Variants in CSTL1 observed in about 807,000 individuals in gnomAD.
The protein encoded by CSTL1 is cystatin like 1, also known as cystatin-like 1.
A neutral mutation model predicts 14.4 loss-of-function variants in CSTL1; 14 were observed. The ratio of observed to expected loss-of-function variants is 0.97; its 90% CI spans 0.64 to 1.52. The LOEUF is 1.52. Among genes scored for constraint, CSTL1 ranks in the 40% most tolerant of loss-of-function variants. The pLI, the probability that CSTL1 is intolerant of heterozygous loss-of-function variation, is 0.00. For missense variants in CSTL1, 170 were observed against 168.7 expected, an observed-to-expected ratio of 1.01 and a Z score of -0.04; for synonymous variants, 72 against 67.5, an observed-to-expected ratio of 1.07 and a Z score of -0.33.
downstream of CSTL1, among the ~76,000 whole-genome samples, chr20:23,446,547 C>T (rs1183775248): frequency 1.3e-5 from 2 of 152,076 alleles, no homozygotes; most frequent in Non-Finnish European, 2.9e-5. Flanking sequence ...TGAGCCACTG[C>T]GCCCAGCCTG....
chr20:23,459,912 C>G, the CSTL1 span, among the ~76,000 whole-genome samples: 2 of 152,216 alleles, frequency 1.3e-5, no homozygotes, highest in Admixed American at 1.3e-4. Context: ...CTGGCCTCTC[C>G]CTGCACAATA....
chr20:23,454,368 C>T, the CSTL1 span, among the ~76,000 whole-genome samples: 1 of 151,522 alleles, frequency 6.6e-6, no homozygotes, highest in Non-Finnish European at 1.5e-5. Flanking sequence ...CACACCCACA[C>T]TCACACTGAA....
the CSTL1 span, chr20:23,452,036 G>A: frequency 9.1e-6 from 6 of 662,914 alleles, no homozygotes; most frequent in African/African-American, 1.1e-4. Context: ...GTCCTAGGCG[G>A]ATTAGCGGGC....
the CSTL1 span, chr20:23,450,310 C>T: frequency 2.2e-6 from 1 of 445,116 alleles, no homozygotes; most frequent in Non-Finnish European, 4.0e-6. Context: ...CATTTGGACC[C>T]CCAAACTGCC....
At chr20:23,457,532 A>G in the CSTL1 span, 1 of 152,064 alleles carries the variant, frequency 6.6e-6, no homozygotes, top group Admixed American at 6.6e-5. Flanking sequence ...GGCATGGGAT[A>G]ATATGTATGT....
intron 2 of CSTL1, 75 bp downstream of exon 2, chr20:23,440,561 G>T: frequency 1.8e-6 from 2 of 1,133,754 alleles, no homozygotes; most frequent in Admixed American, 1.7e-5. Context: ...TTCTGGGGTA[G>T]CTCCCAAGAG....
the CSTL1 span, among the ~76,000 whole-genome samples, chr20:23,453,312 G>A: frequency 2.0e-5 from 3 of 152,240 alleles, no homozygotes; most frequent in South Asian, 2.1e-4. Context: ...CTCCCTTAGA[G>A]GACAAAGGAG....
At chr20:23,446,935 T>A (rs2123319673), downstream of CSTL1, among the ~76,000 whole-genome samples, 1 of 151,522 alleles carries the variant, frequency 6.6e-6, no homozygotes, top group Non-Finnish European at 1.5e-5. Flanking sequence ...TTAAAGGAGG[T>A]GGAATTCCTG....
At chr20:23,446,401 G>A (rs561832189), downstream of CSTL1, among the ~76,000 whole-genome samples, 3 of 152,184 alleles carry the variant, frequency 2.0e-5, no homozygotes, top group South Asian at 4.1e-4. Flanking sequence ...GACTACAGGC[G>A]TGCACTGCCA....
At chr20:23,451,984 G>C in the CSTL1 span, 1 of 1,280,374 alleles carries the variant, frequency 7.8e-7, no homozygotes, top group Non-Finnish European at 1.1e-6. Context: ...CGGTTTCTGT[G>C]CCTGGGGGCT....
chr20:23,440,756 C>CTT (rs11346588), intron 2 of CSTL1: 576 of 360,402 alleles, frequency 1.6e-3, no homozygotes, highest in South Asian at 2.1e-3. Context: ...GGATTAAACT[C>CTT]TTTTTTTTTT....
chr20:23,447,034 T>C (rs370116452), downstream of CSTL1, among the ~76,000 whole-genome samples: 41 of 152,314 alleles, frequency 2.7e-4, no homozygotes, highest in East Asian at 2.3e-3. Context: ...TCTAAGCTAA[T>C]TGAGGGCTGA....
chr20:23,448,822 T>C (rs6137951), downstream of CSTL1, among the ~76,000 whole-genome samples: 12,117 of 152,304 alleles, frequency 0.08, 682 homozygotes, highest in East Asian at 0.29. Context: ...TAATGGTTAA[T>C]ATTTATTTGA....
chr20:23,454,050 AACAC>A, the CSTL1 span, among the ~76,000 whole-genome samples: 2 of 151,720 alleles, frequency 1.3e-5, no homozygotes, highest in Non-Finnish European at 2.9e-5. Context: ...ACAGATGCAC[AACAC>A]ACACACATAC....
chr20:23,446,959 A>G (rs1376469891), downstream of CSTL1, among the ~76,000 whole-genome samples: 1 of 152,174 alleles, frequency 6.6e-6, no homozygotes, highest in Admixed American at 6.5e-5. Context: ...AAAAAACCCC[A>G]CAAAAACAAC....
chr20:23,457,627 A>G, the CSTL1 span: 2 of 152,130 alleles, frequency 1.3e-5, no homozygotes, highest in South Asian at 4.1e-4. Flanking sequence ...GAAAGAACAA[A>G]GGAATCTGTA....
chr20:23,444,023 G>C lies in CSTL1; in HGVS notation c.309G>C (p.Leu103=), dbSNP rs12625959. Residue 103 remains leucine, a synonymous_variant, in exon 3 of 4, where the codon CTG becomes CTC. Coordinates refer to ENST00000347397, the MANE Select transcript of CSTL1 (RefSeq NM_138283.1). ...RNDTSNSSCP[L]QSKKLRKSLI... is the part of the protein sequence containing the mutation. ...ACACGAGCAATTCTTCCTGCCCCCT[G>C]CAAAGCAAGAAGCTGAGAAAGGTGT... 0.065 allele frequency: 104,900 copies of C among 1,613,328 alleles called. 8,561 individuals are homozygous for C. Among genetic ancestry groups the C allele is most frequent in the African/African-American group, 0.41 (30,977 of 74,934 alleles).
In CSTL1 at chr20:23,440,438, C is replaced by T. The variant is rs372937280; in HGVS notation, c.171C>T (p.Asn57=). The T allele has an allele frequency of 3.8e-5, 61 of 1,614,010 alleles. No homozygotes were observed. The highest frequency in any genetic ancestry group is 4.5e-5 in the East Asian group (2 of 44,896). ...TTCAATCCTACAACAATGCCAGCAACGACACCTACTTATATCGAGTCCAGA... is the reference window on the plus strand; with the variant it reads ...TTCAATCCTACAACAATGCCAGCAATGACACCTACTTATATCGAGTCCAGA... The part of the protein sequence containing the change: ...FFIQSYNNAS[N]DTYLYRVQRL... Residue 57 remains asparagine (N), a synonymous_variant, in exon 2 of 4, where the codon AAC becomes AAT. Transcript: ENST00000347397.
downstream of CSTL1, among the ~76,000 whole-genome samples, chr20:23,447,461 C>CTTTTCTTTT (rs1986990536): frequency 6.9e-6 from 1 of 143,986 alleles, no homozygotes; most frequent in African/African-American, 2.7e-5. Context: ...CTTTTCTTTT[C>CTTTTCTTTT]TTTTTCTTTT....
Sources: gnomAD v4.1 joint callset for allele counts (sites outside exome capture counted in the v4.1 genomes callset) on GRCh38, gnomAD v4.1.1 for gene constraint, MANE v1.5 for transcripts, NCBI Gene and HGNC (gene_info 2026-07-23, HGNC 2026-07-21) for gene names.